The following MAP2K3 variants were observed in gnomAD, a reference collection of about 807,000 sequenced individuals.
MAP2K3 encodes mitogen-activated protein kinase kinase 3, also known as dual specificity mitogen-activated protein kinase kinase 3.
A neutral mutation model predicts 46.4 loss-of-function variants in MAP2K3; 30 were observed. The ratio of observed to expected loss-of-function variants is 0.65; its 90% CI spans 0.48 to 0.88. MAP2K3 has a LOEUF of 0.88. MAP2K3 is among the 40% of genes least tolerant of loss of function. The pLI, the probability that MAP2K3 is intolerant of heterozygous loss-of-function variation, is 0.00. For synonymous variants in MAP2K3, 189 were observed against 176.3 expected (o/e 1.07, Z -0.57); for missense variants, 380 against 464.5 (o/e 0.82, Z 1.67).
intron 9 of MAP2K3, among the ~76,000 whole-genome samples, chr17:21,307,843 ATCTTTTTTTT>A (rs1218082005): frequency 3.2e-4 from 26 of 81,472 alleles, no homozygotes; most frequent in African/African-American, 1.2e-3. Context: ...ATGCCCGGCT[ATCTTTTTTTT>A]TTTTTTTTTT....
intron 6 of MAP2K3, 104 bp from the exon 7 acceptor site, chr17:21,303,079 C>G: frequency 1.4e-6 from 2 of 1,461,372 alleles, no homozygotes; most frequent in Non-Finnish European, 9.4e-7. Flanking sequence ...GCAGCGGGAG[C>G]GGGAGACAGG....
intron 1 of MAP2K3, among the ~76,000 whole-genome samples, chr17:21,286,478 C>T (rs1360786580): frequency 6.6e-6 from 1 of 152,194 alleles, no homozygotes; most frequent in African/African-American, 2.4e-5. Context: ...ATAATTATGC[C>T]TTACATAAGT....
chr17:21,289,590 G>C (rs1975825940), intron 1 of MAP2K3, among the ~76,000 whole-genome samples: 1 of 152,206 alleles, frequency 6.6e-6, no homozygotes, highest in African/African-American at 2.4e-5. Flanking sequence ...GCCTGCCCTT[G>C]TCCGCGCCTC....
At chr17:21,286,405 GGGCAT>G (rs1484148362) in intron 1 of MAP2K3, among the ~76,000 whole-genome samples, 1 of 152,278 alleles carries the variant, frequency 6.6e-6, no homozygotes, top group Non-Finnish European at 1.5e-5. Context: ...GGCCTGGGGA[GGGCAT>G]GGGCTCTTCC....
At chr17:21,310,841 G>A (rs1188350348) in intron 9 of MAP2K3, among the ~76,000 whole-genome samples, 1 of 152,214 alleles carries the variant, frequency 6.6e-6, no homozygotes, top group Admixed American at 6.5e-5. Flanking sequence ...GGCTATTTTT[G>A]TTGTTTTTCA....
intron 8 of MAP2K3, 64 bp downstream of exon 8, chr17:21,304,617 T>TGGCCACCCCGGCC: frequency 6.2e-7 from 1 of 1,607,762 alleles, no homozygotes; most frequent in South Asian, 1.1e-5. Flanking sequence ...CTGCCCAGGC[T>TGGCCACCCCGGCC]GGCCACCCCG....
Position 21,284,815 on chromosome 17 carries a change from C to T in MAP2K3, c.-106C>T. On this transcript the variant is annotated 5_prime_UTR_variant, in exon 1 of 12. Transcript: ENST00000342679. ...CGCCGCCGCCGCCGCCGCTGCTCCT[C>T]CGCCTGGCCTGGGCCGTCTGCCCGC... 1 of 1,309,618 alleles carries T rather than the reference C, an allele frequency of 7.6e-7. No individual in the cohort carries two copies. The highest frequency in any genetic ancestry group is 1.0e-6 in the Non-Finnish European group (1 of 981,410). 81.1% of individuals were successfully genotyped at this position (1,309,618 alleles called of 1,614,324 possible).
chr17:21,295,492 C>T, intron 1 of MAP2K3: 1 of 872,000 alleles, frequency 1.1e-6, no homozygotes. Context: ...ATGGTTGCCA[C>T]AACGGCTGCA....
At chr17:21,293,703 AGGGCAG>A (rs2144500053) in intron 1 of MAP2K3, among the ~76,000 whole-genome samples, 1 of 10 alleles carries the variant, frequency 0.1, no homozygotes, top group East Asian at 0.5. Flanking sequence ...AGGGCTGTGG[AGGGCAG>A]AGCCTTGGTC....
chr17:21,298,693 C>G (rs531001365), intron 2 of MAP2K3, among the ~76,000 whole-genome samples, 185 bp from the exon 3 acceptor site: 3 of 152,308 alleles, frequency 2.0e-5, no homozygotes, highest in Admixed American at 6.5e-5. Context: ...CTTGGAGGCT[C>G]GATGAGGCCG....
intron 1 of MAP2K3, among the ~76,000 whole-genome samples, chr17:21,294,001 G>A (rs1219151261): frequency 6.6e-6 from 1 of 152,308 alleles, no homozygotes; most frequent in Non-Finnish European, 1.5e-5. Flanking sequence ...GACCTCTGAT[G>A]GCACCTGTCC....
At chr17:21,285,094 G>A (rs1567654481) in intron 1 of MAP2K3, 125 bp downstream of exon 1, 1 of 1,385,114 alleles carries the variant, frequency 7.2e-7, no homozygotes, top group African/African-American at 1.4e-5. Context: ...TCCGGTCCCG[G>A]AACCCCTTCC....
intron 1 of MAP2K3, chr17:21,296,089 G>A (rs746221658): frequency 7.8e-7 from 1 of 1,289,490 alleles, no homozygotes; most frequent in South Asian, 1.2e-5. Context: ...TCTGCAGAGA[G>A]GCTGGTCATA....
In MAP2K3 at chr17:21,298,347, C is replaced by T. The variant is rs762870202; in HGVS notation, c.50-66C>T. The T allele has an allele frequency of 3.1e-6, 5 of 1,606,412 alleles. No individual in the cohort carries two copies. The Admixed American group carries it at 8.3e-5, about 27-fold the overall frequency. On this transcript the variant is annotated intron_variant, in intron 1 of 11. Coordinates refer to ENST00000342679, the MANE Select transcript of MAP2K3 (RefSeq NM_145109.3). ...CCTTGTGGGCCAGGGCCTGATGGCT[C>T]ATGGGAGTGCAGGGGACATTGATGT...
chr17:21,301,359 T>A (rs1976590083), intron 5 of MAP2K3, among the ~76,000 whole-genome samples: 1 of 152,266 alleles, frequency 6.6e-6, no homozygotes, highest in African/African-American at 2.4e-5. Context: ...CATGGAGATA[T>A]GAGATCTGGA....
chr17:21,300,317 A>G (rs904961483), intron 3 of MAP2K3, among the ~76,000 whole-genome samples: 2 of 152,304 alleles, frequency 1.3e-5, no homozygotes, highest in African/African-American at 2.4e-5. Flanking sequence ...CACACTCCAT[A>G]GCAGCCTTGG....
At position 21,314,330 on chromosome 17, in the gene MAP2K3, A is replaced by G. The variant is rs1977308554; in HGVS notation, c.*100A>G. 14 of 1,122,538 alleles carry G rather than the reference A, an allele frequency of 1.2e-5. 1 individual carries two copies. The South Asian group carries it at 1.6e-4, about 13-fold the overall frequency. 69.5% of individuals were successfully genotyped at this position (1,122,538 alleles called of 1,614,324 possible). On this transcript the variant is annotated 3_prime_UTR_variant, in exon 12 of 12. Coordinates refer to ENST00000342679, the MANE Select transcript of MAP2K3 (RefSeq NM_145109.3). ...CCATAAGCTACTGCCATCCTGGCCC[A>G]GGGCATCTGGGAGGAACCGAGGGGG...
At chr17:21,303,676 C>T (rs1976730612) in intron 7 of MAP2K3, among the ~76,000 whole-genome samples, 1 of 152,312 alleles carries the variant, frequency 6.6e-6, no homozygotes, top group African/African-American at 2.4e-5. Flanking sequence ...TGGTTTCGCC[C>T]TTTCTGGAAC....
chr17:21,289,919 C>T (rs1975837718), intron 1 of MAP2K3, among the ~76,000 whole-genome samples: 1 of 152,234 alleles, frequency 6.6e-6, no homozygotes, highest in Non-Finnish European at 1.5e-5. Context: ...CTGTCCCTCT[C>T]CCAGCTGGTC....
Sources: gnomAD v4.1 joint callset for allele counts (sites outside exome capture counted in the v4.1 genomes callset) on GRCh38, gnomAD v4.1.1 for gene constraint, MANE v1.5 for transcripts, NCBI Gene and HGNC (gene_info 2026-07-23, HGNC 2026-07-21) for gene names.